GRID1: variants seen among roughly 807,000 people sequenced by gnomAD.
GRID1 encodes the protein glutamate receptor ionotropic, delta-1.
GRID1 carries 28 observed loss-of-function variants against 98.0 expected under a neutral mutation model. That is an observed-to-expected ratio of 0.29 (90% CI 0.21 to 0.39). The LOEUF (loss-of-function observed/expected upper bound fraction) is 0.39. Among genes scored for constraint, GRID1 ranks in the 10% least tolerant of loss-of-function variants. The pLI is 1.00. For synonymous variants in GRID1, 553 were observed against 538.5 expected, an observed-to-expected ratio of 1.03 and a Z score of -0.37; for missense variants, 1,111 against 1,340.5, an observed-to-expected ratio of 0.83 and a Z score of 2.67.
At chr10:85,838,535 C>A (rs1842932434) in intron 8 of GRID1, among the ~76,000 whole-genome samples, 1 of 152,100 alleles carries the variant, frequency 6.6e-6, no homozygotes, top group African/African-American at 2.4e-5. Context: ...AAATTCCAAC[C>A]CAGAATTTCA....
At chr10:86,033,340 C>T (rs1028456326) in intron 4 of GRID1, among the ~76,000 whole-genome samples, 9 of 149,786 alleles carry the variant, frequency 6.0e-5, no homozygotes, top group Non-Finnish European at 1.2e-4. Flanking sequence ...CGGCTTGGTA[C>T]GCTCCTCAGA....
chr10:85,637,663 C>T (rs1245565522), intron 13 of GRID1, among the ~76,000 whole-genome samples: 1 of 152,182 alleles, frequency 6.6e-6, no homozygotes, highest in Non-Finnish European at 1.5e-5. Context: ...TCTCTAATTT[C>T]CTTTATCTTC....
At chr10:85,963,495 C>T (rs1842297449) in intron 4 of GRID1, among the ~76,000 whole-genome samples, 2 of 152,194 alleles carry the variant, frequency 1.3e-5, no homozygotes, top group Non-Finnish European at 2.9e-5. Context: ...GCTCAAACCT[C>T]TGCTAAGGCT....
chr10:86,185,283 C>T (rs566843682), intron 3 of GRID1, among the ~76,000 whole-genome samples: 1 of 152,170 alleles, frequency 6.6e-6, no homozygotes, highest in African/African-American at 2.4e-5. Flanking sequence ...TTCAATTGTT[C>T]ATTGCTAGTA....
chr10:86,147,128 A>G (rs1223292072), intron 3 of GRID1, among the ~76,000 whole-genome samples: 1 of 152,168 alleles, frequency 6.6e-6, no homozygotes, highest in Non-Finnish European at 1.5e-5. Context: ...TACTTGCCCA[A>G]GGTCTCATCT....
At chr10:85,845,796 T>G (rs1407423022) in intron 8 of GRID1, among the ~76,000 whole-genome samples, 2 of 152,176 alleles carry the variant, frequency 1.3e-5, no homozygotes, top group Admixed American at 1.3e-4. Flanking sequence ...CAATAATGAA[T>G]TATCTAAAAC....
At chr10:86,073,403 G>A (rs946849597) in intron 4 of GRID1, among the ~76,000 whole-genome samples, 6 of 152,202 alleles carry the variant, frequency 3.9e-5, no homozygotes, top group Non-Finnish European at 8.8e-5. Context: ...TGGGAGAGTA[G>A]CCATCGCACA....
chr10:86,064,152 GA>G (rs1198817658), intron 4 of GRID1, among the ~76,000 whole-genome samples: 2 of 152,084 alleles, frequency 1.3e-5, no homozygotes, highest in African/African-American at 4.8e-5. Flanking sequence ...ACATAGCTTA[GA>G]AAAACAATCT....
chr10:85,862,994 C>G (rs367578174), intron 6 of GRID1, among the ~76,000 whole-genome samples: 11 of 152,168 alleles, frequency 7.2e-5, no homozygotes, highest in Admixed American at 5.9e-4. Context: ...GCTTCAAAGG[C>G]TGAATCCTGC....
chr10:85,731,913 GAAAGAAAGAA>G (rs1401841661), intron 8 of GRID1, among the ~76,000 whole-genome samples: 4 of 120,104 alleles, frequency 3.3e-5, no homozygotes, highest in African/African-American at 1.2e-4. Context: ...GAAAGAAAGA[GAAAGAAAGAA>G]AGAGAGAGAG....
intron 4 of GRID1, among the ~76,000 whole-genome samples, chr10:85,963,784 C>A (rs539266963): frequency 9.9e-5 from 15 of 152,238 alleles, no homozygotes; most frequent in Non-Finnish European, 1.9e-4. Flanking sequence ...GCAACTTGTC[C>A]CTCTCCTTTT....
intron 3 of GRID1, among the ~76,000 whole-genome samples, chr10:86,155,076 C>CT (rs1404778982): frequency 6.6e-6 from 1 of 152,204 alleles, no homozygotes; most frequent in Non-Finnish European, 1.5e-5. Flanking sequence ...AACATGCCTC[C>CT]TATACAGAAG....
At chr10:86,159,994 CACT>C (rs1845298735) in intron 3 of GRID1, among the ~76,000 whole-genome samples, 1 of 152,112 alleles carries the variant, frequency 6.6e-6, no homozygotes, top group South Asian at 2.1e-4. Flanking sequence ...TCATCACCAC[CACT>C]ACTACCACCA....
chr10:85,892,567 G>GT (rs1841218832), intron 5 of GRID1, among the ~76,000 whole-genome samples: 2 of 151,134 alleles, frequency 1.3e-5, no homozygotes. Flanking sequence ...AGAAAACTAT[G>GT]TTTTTCCTAG....
At chr10:85,656,601 C>T (rs1231125356) in intron 12 of GRID1, among the ~76,000 whole-genome samples, 1 of 152,194 alleles carries the variant, frequency 6.6e-6, no homozygotes, top group Non-Finnish European at 1.5e-5. Flanking sequence ...CTAAACCATG[C>T]CTGCTCTTCC....
At chr10:85,980,474 A>G (rs557263823) in intron 4 of GRID1, among the ~76,000 whole-genome samples, 1 of 152,342 alleles carries the variant, frequency 6.6e-6, no homozygotes, top group East Asian at 1.9e-4. Context: ...AGCTAATGCC[A>G]TTTGATTCCT....
intron 14 of GRID1, among the ~76,000 whole-genome samples, chr10:85,617,517 C>T (rs1169768949): frequency 6.6e-6 from 1 of 152,064 alleles, no homozygotes; most frequent in African/African-American, 2.4e-5. Context: ...CCACTGCACC[C>T]AGCCCAACAG....
intron 3 of GRID1, among the ~76,000 whole-genome samples, chr10:86,150,886 C>A (rs1564690737): frequency 6.6e-6 from 1 of 152,182 alleles, no homozygotes. Flanking sequence ...TCAGATCCAG[C>A]ACCTTGATCT....
At chr10:85,815,376 A>G (rs1842707606) in intron 8 of GRID1, among the ~76,000 whole-genome samples, 1 of 152,080 alleles carries the variant, frequency 6.6e-6, no homozygotes, top group African/African-American at 2.4e-5. Context: ...TCACCATCAT[A>G]TTGGAAGGCA....
Sources: gnomAD v4.1 joint callset for allele counts (sites outside exome capture counted in the v4.1 genomes callset) on GRCh38, gnomAD v4.1.1 for gene constraint, MANE v1.5 for transcripts, NCBI Gene and HGNC (gene_info 2026-07-23, HGNC 2026-07-21) for gene names.